DACH2: variants seen among roughly 807,000 people sequenced by gnomAD.
DACH2 encodes the protein dachshund family transcription factor 2.
A neutral mutation model predicts 35.8 loss-of-function variants in DACH2; 17 were observed. That is an observed-to-expected ratio of 0.48 (90% CI 0.33 to 0.71). DACH2 has a LOEUF of 0.71. DACH2 is among the 30% of genes least tolerant of loss of function. DACH2 has a pLI of 0.02. For synonymous variants in DACH2, 195 were observed against 177.3 expected, an observed-to-expected ratio of 1.10 and a Z score of -0.79; for missense variants, 469 against 472.7, an observed-to-expected ratio of 0.99 and a Z score of 0.07.
intron 1 of DACH2, among the ~76,000 whole-genome samples, chrX:86,324,115 A>C (rs2148039984): frequency 8.9e-6 from 1 of 112,172 alleles, no homozygotes; most frequent in African/African-American, 3.2e-5. Context: ...GCATGAGGTT[A>C]GAAAGGGATT....
At chrX:86,418,090 C>G (rs2036739845) in intron 2 of DACH2, among the ~76,000 whole-genome samples, 1 of 112,375 alleles carries the variant, frequency 8.9e-6, no homozygotes, top group Non-Finnish European at 1.9e-5. Flanking sequence ...CCAGGTCACA[C>G]TGATGCAAAA....
chrX:86,772,518 G>A (rs1166984706), intron 7 of DACH2, among the ~76,000 whole-genome samples: 7 of 111,529 alleles, frequency 6.3e-5, no homozygotes, highest in African/African-American at 9.8e-5. Flanking sequence ...ATCATTAAAA[G>A]TAACGCATGA....
chrX:86,559,884 T>C (rs1290318825), intron 3 of DACH2, among the ~76,000 whole-genome samples: 2 of 65,185 alleles, frequency 3.1e-5, no homozygotes, highest in Admixed American at 1.5e-4. Context: ...TGGGTCTTGA[T>C]TCTTTATCCA....
chrX:86,437,538 A>AT (rs1190660227), intron 2 of DACH2, among the ~76,000 whole-genome samples: 1 of 111,296 alleles, frequency 9.0e-6, no homozygotes. Context: ...AAAATATGAG[A>AT]TTTTTTTGTG....
chrX:86,514,424 T>G, intron 3 of DACH2, 33 bp downstream of exon 3: 1 of 1,121,858 alleles, frequency 8.9e-7, no homozygotes, highest in Non-Finnish European at 1.2e-6. Flanking sequence ...CAGCCATGTC[T>G]CTTCGTACTG....
intron 1 of DACH2, among the ~76,000 whole-genome samples, chrX:86,288,627 C>A (rs992165438): frequency 8.9e-6 from 1 of 112,049 alleles, no homozygotes; most frequent in African/African-American, 3.2e-5. Context: ...CTCTTCCCTC[C>A]CTTTCTTAAA....
At chrX:86,676,705 CA>C (rs1037421629) in intron 4 of DACH2, among the ~76,000 whole-genome samples, 1 of 111,335 alleles carries the variant, frequency 9.0e-6, no homozygotes, top group African/African-American at 3.3e-5. Flanking sequence ...AGAATGTAAC[CA>C]TAAAGAGTCC....
At chrX:86,791,954 G>T (rs2042190904) in intron 7 of DACH2, among the ~76,000 whole-genome samples, 1 of 111,760 alleles carries the variant, frequency 8.9e-6, no homozygotes, top group Non-Finnish European at 1.9e-5. Context: ...AATAACATTT[G>T]AAGAACGTAT....
intron 6 of DACH2, among the ~76,000 whole-genome samples, chrX:86,734,328 C>T (rs774866735): frequency 1.9e-4 from 21 of 110,603 alleles, no homozygotes; most frequent in Non-Finnish European, 4.0e-4. Flanking sequence ...TCCTCTAATT[C>T]GGGATTGAAA....
chrX:86,523,254 G>A (rs1486882742), intron 3 of DACH2, among the ~76,000 whole-genome samples: 1 of 111,385 alleles, frequency 9.0e-6, no homozygotes, highest in Non-Finnish European at 1.9e-5. Flanking sequence ...TACATCTAGT[G>A]TTGACAGTGT....
At chrX:86,294,371 G>A (rs1180535923) in intron 1 of DACH2, among the ~76,000 whole-genome samples, 1 of 109,790 alleles carries the variant, frequency 9.1e-6, no homozygotes, top group African/African-American at 3.3e-5. Context: ...TGGTTTGAAT[G>A]TCCTCCCGTA....
intron 1 of DACH2, among the ~76,000 whole-genome samples, chrX:86,198,001 A>G (rs968934881): frequency 8.9e-6 from 1 of 112,003 alleles, no homozygotes; most frequent in African/African-American, 3.2e-5. Context: ...AAAATTGATC[A>G]CGTGATTAGA....
At position 86,514,436 on chromosome X, in the gene DACH2, C is replaced by T. The variant is rs759606243; in HGVS notation, c.640+45C>T. On this transcript the variant is annotated intron_variant, in intron 3 of 11. Coordinates refer to ENST00000373125, the MANE Select transcript of DACH2 (RefSeq NM_053281.3). Reference sequence around the variant, plus strand: ...GATCAGCCATGTCTCTTCGTACTGCCCAGCATTTGAAATAAACCAATATTG... The same window carrying T: ...GATCAGCCATGTCTCTTCGTACTGCTCAGCATTTGAAATAAACCAATATTG... The T allele has an allele frequency of 1.3e-5, 14 of 1,091,092 alleles. No individual in the cohort carries two copies. The South Asian group carries it at 2.7e-4, about 21-fold the overall frequency. The allele number at this position is 1,091,092 out of a possible 1,213,427, so 89.9% of individuals were successfully genotyped here. A position where few individuals can be genotyped will look rare whatever the true frequency, so the allele number is the denominator to read the frequency against.
chrX:86,293,668 C>T (rs6623628), intron 1 of DACH2, among the ~76,000 whole-genome samples: 17,292 of 109,442 alleles, frequency 0.16, 1,313 homozygotes, highest in South Asian at 0.33. Flanking sequence ...TATTTTATTT[C>T]TCCTTCACTT....
chrX:86,267,490 T>G (rs1178496239), intron 1 of DACH2, among the ~76,000 whole-genome samples: 1 of 112,189 alleles, frequency 8.9e-6, no homozygotes, highest in African/African-American at 3.2e-5. Context: ...ATCTTTAGTT[T>G]CTTGAAAATC....
chrX:86,676,786 A>G lies in DACH2; in HGVS notation c.773-18235A>G, dbSNP rs767503558. Among the ~76,000 whole-genome samples, 24 of 111,815 alleles carry G rather than the reference A, an allele frequency of 2.1e-4. No homozygotes were observed. In the South Asian group the frequency reaches 8.5e-3, roughly 40 times the overall value. ...GCATACCGTTTGTTTTGAAATAAAT[A>G]CTTTTAGGTTGTTGGTTTTGTGAGC... On this transcript the variant is annotated intron_variant, in intron 4 of 11. Transcript: ENST00000373125.
Position 86,238,382 on chromosome X carries a change from A to C in DACH2, c.488+89274A>C, listed in dbSNP as rs908719592. ...CTTTGTCTTTATTGGAAGGCCTTCAAATATTTTCATAGCACTAGACACATG... is the reference window on the plus strand; with the variant it reads ...CTTTGTCTTTATTGGAAGGCCTTCACATATTTTCATAGCACTAGACACATG... On this transcript the variant is annotated intron_variant, in intron 1 of 11. Transcript: ENST00000373125. 7.1e-5 allele frequency among the ~76,000 whole-genome samples: 8 copies of C among 112,196 alleles called. 1 individual carries two copies. The highest frequency in any genetic ancestry group is 6.5e-5 in the African/African-American group (2 of 31,004).
At chrX:86,607,422 T>C (rs906423479) in intron 3 of DACH2, among the ~76,000 whole-genome samples, 4 of 111,229 alleles carry the variant, frequency 3.6e-5, no homozygotes, top group African/African-American at 1.3e-4. Context: ...TATTATGAGG[T>C]GATAACAGCT....
At chrX:86,323,608 G>A (rs1349045221) in intron 1 of DACH2, among the ~76,000 whole-genome samples, 1 of 112,070 alleles carries the variant, frequency 8.9e-6, no homozygotes, top group Non-Finnish European at 1.9e-5. Context: ...GAGATCCTAT[G>A]TCTGACAACC....
Sources: allele counts gnomAD v4.1 joint callset (sites outside exome capture counted in the v4.1 genomes callset), GRCh38; gene constraint gnomAD v4.1.1; transcripts MANE v1.5; gene names NCBI Gene and HGNC (gene_info 2026-07-23, HGNC 2026-07-21).